PCDHGA12: variants seen among roughly 807,000 people sequenced by gnomAD.
PCDHGA12 encodes protocadherin gamma subfamily A, 12.
PCDHGA12 carries 43 observed loss-of-function variants against 61.1 expected under a neutral mutation model. The ratio of observed to expected loss-of-function variants is 0.70; its 90% CI spans 0.55 to 0.91. The LOEUF is 0.91. Among genes scored for constraint, PCDHGA12 ranks in the 40% least tolerant of loss-of-function variants. PCDHGA12 has a pLI of 0.00. For missense variants in PCDHGA12, 1,236 were observed against 1,227.7 expected (o/e 1.01, Z -0.10); for synonymous variants, 520 against 542.9 (o/e 0.96, Z 0.59).
At chr5:141,466,655 AT>A (rs754296083) in intron 1 of PCDHGA12, among the ~76,000 whole-genome samples, 3 of 152,206 alleles carry the variant, frequency 2.0e-5, no homozygotes, top group Non-Finnish European at 4.4e-5. Context: ...TTCACAAAAC[AT>A]CAGTGATTTC....
rs775284049 is a variant in PCDHGA12 at position 141,431,448 on chromosome 5, T to C, written c.689T>C (p.Val230Ala). The change falls in exon 1 of 4, where the codon GTG (valine) becomes GCG (alanine). Residue 230 changes from valine (V) to alanine (A), a missense_variant. Coordinates refer to ENST00000252085, the MANE Select transcript of PCDHGA12 (RefSeq NM_003735.3). The surrounding 1 kb of genome is among the most constrained non-coding windows in gnomAD (Gnocchi z 4.8). ...PVRTGTARIR[V>A]MVLDANDNAP... ...CGCACAGGCACCGCGCGCATCCGCG[T>C]GATGGTTCTGGATGCGAACGACAAC... 2.5e-6 allele frequency: 4 copies of C among 1,613,706 alleles called. No individual in the cohort carries two copies. The South Asian group carries it at 4.4e-5, about 18-fold the overall frequency.
At chr5:141,462,415 C>G (rs998182982) in intron 1 of PCDHGA12, among the ~76,000 whole-genome samples, 2 of 152,092 alleles carry the variant, frequency 1.3e-5, no homozygotes, top group Non-Finnish European at 2.9e-5. Context: ...AGAATATGGT[C>G]TATCTTGGTG....
chr5:141,502,866 C>CTTTT (rs549047197), intron 2 of PCDHGA12, among the ~76,000 whole-genome samples: 3 of 128,028 alleles, frequency 2.3e-5, no homozygotes, highest in African/African-American at 6.2e-5. Flanking sequence ...GACTCTCTGT[C>CTTTT]TTTTTTTTTT....
chr5:141,482,404 A>C (rs1262544355), intron 1 of PCDHGA12, among the ~76,000 whole-genome samples: 1 of 152,076 alleles, frequency 6.6e-6, no homozygotes, highest in Non-Finnish European at 1.5e-5. Flanking sequence ...GTACTCAATA[A>C]CTATTTGTTG....
intron 1 of PCDHGA12, among the ~76,000 whole-genome samples, chr5:141,450,814 A>C (rs990515429): frequency 1.5e-5 from 2 of 136,790 alleles, no homozygotes; most frequent in Non-Finnish European, 3.1e-5. Context: ...TTATTTATTT[A>C]ATATTATTAT....
chr5:141,450,615 T>C (rs2098687601), intron 1 of PCDHGA12, among the ~76,000 whole-genome samples: 1 of 151,340 alleles, frequency 6.6e-6, no homozygotes, highest in African/African-American at 2.4e-5. Flanking sequence ...GCCTCCTGAG[T>C]AGCTGGGATT....
chr5:141,475,202 G>T (rs746895166), intron 1 of PCDHGA12, among the ~76,000 whole-genome samples: 38 of 152,086 alleles, frequency 2.5e-4, no homozygotes, highest in Non-Finnish European at 5.3e-4. Context: ...CAAGATCTTG[G>T]GAAAAGGATT....
At chr5:141,436,668 C>CA (rs1159051861) in intron 1 of PCDHGA12, among the ~76,000 whole-genome samples, 1 of 151,748 alleles carries the variant, frequency 6.6e-6, no homozygotes, top group South Asian at 2.1e-4. Flanking sequence ...AGTGGTTGAC[C>CA]AAAAAAAGGA....
Position 141,431,062 on chromosome 5 carries a change from G to C in PCDHGA12, c.303G>C (p.Lys101Asn), listed in dbSNP as rs2097341170. Residue 101 changes from lysine (K) to asparagine (N), a missense_variant, in exon 1 of 4, where the codon AAG becomes AAC. By Grantham distance (94) the Lys-to-Asn change is moderately conservative (BLOSUM62 0). Coordinates refer to ENST00000252085, the MANE Select transcript of PCDHGA12 (RefSeq NM_003735.3). This position sits in a 1 kb window ranked among gnomAD's most constrained non-coding sequence, Gnocchi z 4.8. ...DREELCMGAI[K>N]CQLNLDILME... ...AGGAGCTCTGTATGGGGGCCATCAA[G>C]TGTCAATTAAATCTAGACATTCTGA... 6.2e-7 allele frequency: 1 copy of C among 1,614,212 alleles called. No individual in the cohort carries two copies. The highest frequency in any genetic ancestry group is 1.3e-5 in the African/African-American group (1 of 75,084).
Position 141,486,219 on chromosome 5 carries a change from A to G in PCDHGA12, c.2425-8588A>G. 1 of 1,614,134 alleles carries G rather than the reference A, an allele frequency of 6.2e-7. No individual in the cohort carries two copies. Among genetic ancestry groups the G allele is most frequent in the African/African-American group, 1.3e-5 (1 of 75,042 alleles). ...CTGGACGTAAATGACAATGCCCCTT[A>G]CATCACAGTGACCTCAGAGCTTGGA... On this transcript the variant is annotated intron_variant, in intron 1 of 3. Transcript: ENST00000252085. This position sits in a 1 kb window ranked among gnomAD's most constrained non-coding sequence, Gnocchi z 5.0.
chr5:141,474,847 GCCTTCT>G (rs906863967), intron 1 of PCDHGA12, among the ~76,000 whole-genome samples: 3 of 152,198 alleles, frequency 2.0e-5, no homozygotes, highest in African/African-American at 7.2e-5. Context: ...CACTTTACCT[GCCTTCT>G]TCATTTAATA....
In PCDHGA12 at chr5:141,463,518, G is replaced by A. The variant is rs537466389; in HGVS notation, c.2424+30335G>A. 5.7e-5 allele frequency among the ~76,000 whole-genome samples: 8 copies of A among 139,140 alleles called. No individual in the cohort carries two copies. The East Asian group carries it at 1.3e-3, about 22-fold the overall frequency. The allele number at this position is 139,140 out of a possible 152,430, so 91.3% of individuals were successfully genotyped here. On this transcript the variant is annotated intron_variant, in intron 1 of 3. Coordinates refer to ENST00000252085, the MANE Select transcript of PCDHGA12 (RefSeq NM_003735.3). The stretch of plus-strand genomic sequence containing the variant: ...GGCTGGAGTGACGTGGCGTGATCTC[G>A]GCTTACTAGAAACTCCGGCTCCCGG...
At chr5:141,455,292 G>A (rs2098818902) in intron 1 of PCDHGA12, among the ~76,000 whole-genome samples, 1 of 152,068 alleles carries the variant, frequency 6.6e-6, no homozygotes, top group East Asian at 1.9e-4. Context: ...ACTTTACATA[G>A]TTTCATCTTG....
Position 141,432,208 on chromosome 5 carries a change from G to A in PCDHGA12, c.1449G>A (p.Glu483=), listed in dbSNP as rs150518735. The A allele has an allele frequency of 3.4e-5, 55 of 1,614,196 alleles. No individual in the cohort carries two copies. In the Middle Eastern group the frequency reaches 8.2e-4, roughly 24 times the overall value. Reference sequence around the variant, plus strand: ...CCGCCCACGACCCCGACTGTGAAGAGAACGCCCAGATCACTTATTCCCTGG... The same window carrying A: ...CCGCCCACGACCCCGACTGTGAAGAAAACGCCCAGATCACTTATTCCCTGG... ...SVTAHDPDCE[E]NAQITYSLAE... Residue 483 remains glutamate, a synonymous_variant, in exon 1 of 4, where the codon GAG becomes GAA. Transcript: ENST00000252085. The surrounding 1 kb of genome is among the most constrained non-coding windows in gnomAD (Gnocchi z 6.0).
intron 1 of PCDHGA12, among the ~76,000 whole-genome samples, chr5:141,465,038 G>T (rs1297185291): frequency 6.6e-6 from 1 of 151,642 alleles, no homozygotes; most frequent in Non-Finnish European, 1.5e-5. Flanking sequence ...CACCACAAAT[G>T]ACCCTATATA....
At chr5:141,452,421 C>A (rs1211472567) in intron 1 of PCDHGA12, among the ~76,000 whole-genome samples, 2 of 152,180 alleles carry the variant, frequency 1.3e-5, no homozygotes, top group Non-Finnish European at 2.9e-5. Context: ...ATGCTCACTG[C>A]TAATGGGCTG....
chr5:141,444,565 C>G (rs2098441175), intron 1 of PCDHGA12, among the ~76,000 whole-genome samples: 1 of 152,124 alleles, frequency 6.6e-6, no homozygotes, highest in Non-Finnish European at 1.5e-5. Flanking sequence ...TTATTTGACA[C>G]TTTTGACTCT....
intron 1 of PCDHGA12, among the ~76,000 whole-genome samples, chr5:141,488,697 A>T (rs1337725245): frequency 6.6e-6 from 1 of 152,162 alleles, no homozygotes; most frequent in Non-Finnish European, 1.5e-5. Context: ...GAAGGACAAG[A>T]TTTTGCTGGT....
Position 141,487,390 on chromosome 5 carries a change from G to A in PCDHGA12, c.2425-7417G>A, listed in dbSNP as rs769886634. On this transcript the variant is annotated intron_variant, in intron 1 of 3. Coordinates refer to ENST00000252085, the MANE Select transcript of PCDHGA12 (RefSeq NM_003735.3). The surrounding 1 kb of genome is among the most constrained non-coding windows in gnomAD (Gnocchi z 5.0). The stretch of plus-strand genomic sequence containing the variant: ...GTGCCTGTCTCACCAGATCTCGAAG[G>A]AGGGAGGGGCTTCCCCCTTCCAATG... 1.2e-6 allele frequency: 2 copies of A among 1,614,182 alleles called. No homozygotes were observed. The highest frequency in any genetic ancestry group is 1.3e-5 in the African/African-American group (1 of 75,070).
Sources: gnomAD v4.1 joint callset for allele counts (sites outside exome capture counted in the v4.1 genomes callset) on GRCh38, gnomAD v4.1.1 for gene constraint, Gnocchi (gnomAD v3.1) non-coding constraint, MANE v1.5 for transcripts, NCBI Gene and HGNC (gene_info 2026-07-23, HGNC 2026-07-21) for gene names.